LINGO2: variants seen among roughly 807,000 people sequenced by gnomAD.
LINGO2 encodes leucine rich repeat and Ig domain containing 2.
Under a neutral mutation model 30.6 loss-of-function variants are expected in LINGO2, and 14 were observed. That is an observed-to-expected ratio of 0.46 (90% CI 0.30 to 0.72). The LOEUF (loss-of-function observed/expected upper bound fraction) is 0.72, where lower values mean the gene tolerates loss of function less well. LINGO2 is among the 30% of genes least tolerant of loss of function. The pLI is 0.07. For synonymous variants in LINGO2, 317 were observed against 288.5 expected (o/e 1.10, Z -1.00); for missense variants, 729 against 751.7 (o/e 0.97, Z 0.35).
rs76182693 is a variant in LINGO2, at chr9:28,274,719, C to T, written c.-87+20489G>A. On this transcript the variant is annotated intron_variant, in intron 4 of 5. Coordinates refer to ENST00000379992, the Ensembl canonical transcript of LINGO2. Reference sequence around the variant, plus strand: ...TCAGAAGTGGCAGCAGAATAGCTTGCTTTTTCCTAAATGACTCCTTTTACC... The same window carrying T: ...TCAGAAGTGGCAGCAGAATAGCTTGTTTTTTCCTAAATGACTCCTTTTACC... Among the ~76,000 whole-genome samples the T allele has an allele frequency of 0.017, 2,539 of 152,192 alleles. 165 individuals carry two copies. In the East Asian group the frequency reaches 0.21, roughly 13 times the overall value.
rs200378398 is a variant in LINGO2, at chr9:28,379,738, G to GAGC, written c.-278-6873_-278-6871dup. Reference sequence around the variant, plus strand: ...ACTTTTAAGTTGTCATATCGAGATGGAGCATTGCTTTTAGTTGAAGATACC... The same window carrying GAGC: ...ACTTTTAAGTTGTCATATCGAGATGGAGCAGCATTGCTTTTAGTTGAAGATACC... On this transcript the variant is annotated intron_variant, in intron 2 of 5. Coordinates refer to ENST00000379992, the Ensembl canonical transcript of LINGO2. 6.6e-3 allele frequency among the ~76,000 whole-genome samples: 1,011 copies of GAGC among 152,156 alleles called. 8 individuals carry two copies. The highest frequency in any genetic ancestry group is 0.023 in the African/African-American group (943 of 41,522).
chr9:29,053,765 T>G, the LINGO2 span, among the ~76,000 whole-genome samples: 1 of 152,096 alleles, frequency 6.6e-6, no homozygotes, highest in Non-Finnish European at 1.5e-5. Flanking sequence ...ATTTCAAGTA[T>G]AAACTAATCT....
the LINGO2 span, among the ~76,000 whole-genome samples, chr9:28,809,898 C>T: frequency 6.6e-6 from 1 of 152,110 alleles, no homozygotes; most frequent in Non-Finnish European, 1.5e-5. Context: ...GAGATCTTCA[C>T]TCCAGAGTTT....
chr9:28,134,112 T>C (rs114004438), intron 4 of LINGO2, among the ~76,000 whole-genome samples: 1,551 of 152,290 alleles, frequency 0.01, 30 homozygotes, highest in African/African-American at 0.033. Context: ...CTCAAATACA[T>C]TGACTTATCT....
intron 3 of LINGO2, among the ~76,000 whole-genome samples, chr9:28,330,423 C>T (rs1298799113): frequency 6.6e-6 from 1 of 152,150 alleles, no homozygotes; most frequent in Non-Finnish European, 1.5e-5. Context: ...CACAAGTTTT[C>T]CTCATTATTA....
chr9:28,312,058 A>G (rs1378985182), intron 3 of LINGO2, among the ~76,000 whole-genome samples: 2 of 152,180 alleles, frequency 1.3e-5, no homozygotes, highest in Non-Finnish European at 2.9e-5. Flanking sequence ...GACTTCCCAC[A>G]ACAAGTAAGG....
intron 3 of LINGO2, among the ~76,000 whole-genome samples, chr9:28,306,825 G>C (rs147007521): frequency 0.078 from 11,803 of 152,060 alleles, 696 homozygotes; most frequent in African/African-American, 0.16. Context: ...ACTAGAAAAT[G>C]TAGAAGAAAT....
chr9:28,391,466 G>A (rs1177836321), intron 2 of LINGO2, among the ~76,000 whole-genome samples: 1 of 152,142 alleles, frequency 6.6e-6, no homozygotes, highest in Non-Finnish European at 1.5e-5. Flanking sequence ...AAGGGGATGT[G>A]AATCGGGAAA....
intron 1 of LINGO2, among the ~76,000 whole-genome samples, chr9:28,512,886 CCTT>C (rs1167515042): frequency 6.6e-6 from 1 of 151,454 alleles, no homozygotes; most frequent in Non-Finnish European, 1.5e-5. Context: ...CTCTCTCCCT[CCTT>C]TTCATGTTTT....
the LINGO2 span, among the ~76,000 whole-genome samples, chr9:29,001,177 T>C: frequency 2.0e-5 from 3 of 151,876 alleles, no homozygotes; most frequent in African/African-American, 7.2e-5. Flanking sequence ...TCAAAAAATT[T>C]TGAAAGCTAC....
At chr9:29,129,245 T>TA in the LINGO2 span, among the ~76,000 whole-genome samples, 1 of 152,062 alleles carries the variant, frequency 6.6e-6, no homozygotes, top group African/African-American at 2.4e-5. Context: ...ACTGGCTATT[T>TA]AAAAAAATTG....
chr9:28,548,539 A>C (rs1822074656), intron 1 of LINGO2, among the ~76,000 whole-genome samples: 1 of 151,680 alleles, frequency 6.6e-6, no homozygotes. Context: ...CCCTGTCTCT[A>C]CTAAAAATAC....
the LINGO2 span, among the ~76,000 whole-genome samples, chr9:28,945,456 C>A: frequency 0.91 from 138,395 of 152,200 alleles, 63,093 homozygotes; most frequent in Non-Finnish European, 0.94. Flanking sequence ...CTATTATTAA[C>A]TCTTGTCTCA....
the LINGO2 span, among the ~76,000 whole-genome samples, chr9:28,707,206 G>A: frequency 4.6e-5 from 7 of 152,094 alleles, no homozygotes; most frequent in African/African-American, 1.4e-4. Context: ...ATATTGAGGT[G>A]TCTCATGAAA....
intron 1 of LINGO2, among the ~76,000 whole-genome samples, chr9:28,584,030 C>T (rs558707547): frequency 1.1e-4 from 16 of 152,042 alleles, no homozygotes; most frequent in African/African-American, 3.6e-4. Flanking sequence ...AGGGGATGCT[C>T]CTTGCCAGAT....
the LINGO2 span, among the ~76,000 whole-genome samples, chr9:28,825,962 A>G: frequency 6.6e-6 from 1 of 152,190 alleles, no homozygotes; most frequent in East Asian, 1.9e-4. Context: ...ATTTTCTATG[A>G]TGATTCCTCT....
chr9:28,241,948 C>CAA (rs529267924), intron 4 of LINGO2, among the ~76,000 whole-genome samples: 254 of 152,104 alleles, frequency 1.7e-3, no homozygotes, highest in Non-Finnish European at 3.1e-3. Context: ...AAAGTCCACA[C>CAA]AAAATCTTCA....
At chr9:28,486,482 A>T (rs961158317) in intron 1 of LINGO2, among the ~76,000 whole-genome samples, 5 of 152,192 alleles carry the variant, frequency 3.3e-5, no homozygotes, top group Non-Finnish European at 7.3e-5. Context: ...TGTCTCCTGG[A>T]AATTTTTCCC....
chr9:27,958,332 AT>A, intron 5 of LINGO2, among the ~76,000 whole-genome samples: 1 of 152,152 alleles, frequency 6.6e-6, no homozygotes, highest in Admixed American at 6.6e-5. Context: ...TGTTTGTAAT[AT>A]TTTTTGGAAT....
Sources: gnomAD v4.1 joint callset for allele counts (sites outside exome capture counted in the v4.1 genomes callset) on GRCh38, gnomAD v4.1.1 for gene constraint, MANE v1.5 for transcripts, NCBI Gene and HGNC (gene_info 2026-07-23, HGNC 2026-07-21) for gene names.